Variants in RPTOR observed in about 807,000 individuals in gnomAD.
RPTOR encodes the protein regulatory-associated protein of mTOR.
Under a neutral mutation model 169.9 loss-of-function variants are expected in RPTOR, and 21 were observed. That is an observed-to-expected ratio of 0.12 (90% CI 0.09 to 0.18). RPTOR has a LOEUF of 0.18. Ranked by LOEUF, RPTOR falls within the 10% of genes least tolerant of loss-of-function variation. The pLI is 1.00. For missense variants in RPTOR, 1,133 were observed against 1,855.9 expected (o/e 0.61, Z 7.16); for synonymous variants, 732 against 753.2 (o/e 0.97, Z 0.46).
chr17:80,691,476 G>C (rs536694987), intron 3 of RPTOR, among the ~76,000 whole-genome samples: 1 of 150,668 alleles, frequency 6.6e-6, no homozygotes, highest in African/African-American at 2.4e-5. Context: ...CAGTGTGTGC[G>C]CATAGGTGTG....
At chr17:80,858,183 C>T (rs2672891) in intron 13 of RPTOR, 102,486 of 450,684 alleles carry the variant, frequency 0.23, 12,885 homozygotes, top group African/African-American at 0.38. Context: ...TGGTGCCCTG[C>T]ACTCAGTCCC....
intron 6 of RPTOR, among the ~76,000 whole-genome samples, chr17:80,775,944 T>C (rs1404041378): frequency 6.6e-6 from 1 of 152,250 alleles, no homozygotes; most frequent in Non-Finnish European, 1.5e-5. Flanking sequence ...AATTTAGTAT[T>C]CCATCACATT....
rs376817386 is a variant in RPTOR at position 80,708,992 on chromosome 17, C to T, written c.507+993C>T. 1.3e-4 allele frequency: 130 copies of T among 985,550 alleles called. No individual in the cohort carries two copies. The highest frequency in any genetic ancestry group is 3.1e-4 in the African/African-American group (18 of 57,194). 61.1% of individuals were successfully genotyped at this position (985,550 alleles called of 1,614,324 possible). ...CACTGAACTCTCGGTTCCCGCCTAC[C>T]GTCCCGGGTTCGCAGCTAGCATTCG... On this transcript the variant is annotated intron_variant, in intron 4 of 33. Transcript: ENST00000306801. This position sits in a 1 kb window ranked among gnomAD's most constrained non-coding sequence, Gnocchi z 4.2.
At chr17:80,742,152 GCT>G (rs2066487792) in intron 5 of RPTOR, among the ~76,000 whole-genome samples, 1 of 152,220 alleles carries the variant, frequency 6.6e-6, no homozygotes, top group Non-Finnish European at 1.5e-5. Context: ...CCATGTGGAA[GCT>G]CCTGAGGGAG....
Position 80,823,769 on chromosome 17 carries a change from AAC to A in RPTOR, c.1136+548_1136+549del, listed in dbSNP as rs1567931961. The A allele has an allele frequency of 1.3e-5, 2 of 152,902 alleles. No individual in the cohort carries two copies. The highest frequency in any genetic ancestry group is 3.9e-4 in the East Asian group (2 of 5,188). 9.5% of individuals were successfully genotyped at this position (152,902 alleles called of 1,614,324 possible). On this transcript the variant is annotated intron_variant, in intron 9 of 33. Coordinates refer to ENST00000306801, the MANE Select transcript of RPTOR (RefSeq NM_020761.3). This position sits in a 1 kb window ranked among gnomAD's most constrained non-coding sequence, Gnocchi z 4.5. The stretch of plus-strand genomic sequence containing the variant: ...TATTTATACAACTCCTATTAGTAGT[AAC>A]AGTGACAATAATGTGATTTGTTTTT...
chr17:80,959,221 G>A lies in RPTOR; in HGVS notation c.3478-857G>A, dbSNP rs766424503. 6.6e-6 allele frequency among the ~76,000 whole-genome samples: 1 copy of A among 152,344 alleles called. No homozygotes were observed. The highest frequency in any genetic ancestry group is 1.5e-5 in the Non-Finnish European group (1 of 68,022). ...GCAGCTTTCATGGCACCTTCTTTGG[G>A]GTGGGGGGGTCTTGCACCTGTCTGG... On this transcript the variant is annotated intron_variant, in intron 29 of 33. Coordinates refer to ENST00000306801, the MANE Select transcript of RPTOR (RefSeq NM_020761.3). The surrounding 1 kb of genome is among the most constrained non-coding windows in gnomAD (Gnocchi z 6.7).
intron 1 of RPTOR, among the ~76,000 whole-genome samples, chr17:80,618,706 A>G (rs1054341712): frequency 2.0e-5 from 3 of 152,252 alleles, no homozygotes; most frequent in African/African-American, 7.2e-5. Context: ...CTCTGGCTCA[A>G]GGTAACGAGC....
chr17:80,755,816 A>G (rs2066675533), intron 6 of RPTOR, among the ~76,000 whole-genome samples: 2 of 151,746 alleles, frequency 1.3e-5, no homozygotes, highest in African/African-American at 2.4e-5. Flanking sequence ...AGGGATCTGC[A>G]GTGTTTCTGC....
intron 20 of RPTOR, among the ~76,000 whole-genome samples, chr17:80,899,167 A>C (rs776214687): frequency 6.6e-6 from 1 of 152,242 alleles, no homozygotes; most frequent in Non-Finnish European, 1.5e-5. Flanking sequence ...AAATATGCCA[A>C]GTGCCCAGAA....
chr17:80,772,436 T>TC (rs1440915664), intron 6 of RPTOR, among the ~76,000 whole-genome samples: 3 of 86,624 alleles, frequency 3.5e-5, no homozygotes, highest in African/African-American at 1.4e-4. Flanking sequence ...CCCCTGTCTC[T>TC]CCCCCCACAT....
chr17:80,931,936 C>T (rs1208565536), intron 24 of RPTOR, among the ~76,000 whole-genome samples: 2 of 138,054 alleles, frequency 1.4e-5, no homozygotes, highest in Non-Finnish European at 3.1e-5. Flanking sequence ...AGCCAAAAAC[C>T]AAGGGAGGGT....
At chr17:80,750,264 G>A (rs780942425) in intron 5 of RPTOR, among the ~76,000 whole-genome samples, 11 of 152,154 alleles carry the variant, frequency 7.2e-5, no homozygotes, top group East Asian at 1.9e-4. Context: ...TAGTTTTTGC[G>A]TAAAGGGCCA....
intron 1 of RPTOR, among the ~76,000 whole-genome samples, chr17:80,589,075 C>T (rs1298798488): frequency 3.3e-5 from 5 of 152,144 alleles, no homozygotes; most frequent in Admixed American, 2.6e-4. Flanking sequence ...CCCTGTGTGC[C>T]CAGGGCAGTC....
chr17:80,801,028 T>A (rs2067151939), intron 7 of RPTOR, among the ~76,000 whole-genome samples: 1 of 152,214 alleles, frequency 6.6e-6, no homozygotes, highest in Admixed American at 6.5e-5. Context: ...CCCACAGCCC[T>A]GGAGCTTGGG....
chr17:80,930,611 C>T (rs1433625670), intron 24 of RPTOR, among the ~76,000 whole-genome samples: 1 of 152,338 alleles, frequency 6.6e-6, no homozygotes, highest in Admixed American at 6.5e-5. Context: ...GCTTCCTGTT[C>T]TTTCCTGGAA....
chr17:80,655,991 G>T (rs1166863406), intron 3 of RPTOR, among the ~76,000 whole-genome samples: 2 of 152,110 alleles, frequency 1.3e-5, no homozygotes, highest in Non-Finnish European at 2.9e-5. Flanking sequence ...GGCCTCCTTA[G>T]TCGTTCTCAT....
intron 6 of RPTOR, among the ~76,000 whole-genome samples, chr17:80,767,208 A>G (rs901353830): frequency 6.6e-6 from 1 of 152,134 alleles, no homozygotes; most frequent in Non-Finnish European, 1.5e-5. Flanking sequence ...CCCCATCTCT[A>G]CAAAATATAA....
At chr17:80,607,848 A>G (rs886932162) in intron 1 of RPTOR, among the ~76,000 whole-genome samples, 1 of 152,094 alleles carries the variant, frequency 6.6e-6, no homozygotes, top group Non-Finnish European at 1.5e-5. Flanking sequence ...AGGTAAAAAT[A>G]TGTATACATA....
chr17:80,839,458 C>T (rs1310916880), intron 10 of RPTOR, among the ~76,000 whole-genome samples: 3 of 152,196 alleles, frequency 2.0e-5, no homozygotes, highest in Non-Finnish European at 4.4e-5. Context: ...CATTGCAGAC[C>T]GCCCCGCATT....
Sources: allele counts gnomAD v4.1 joint callset (sites outside exome capture counted in the v4.1 genomes callset), GRCh38; gene constraint gnomAD v4.1.1; non-coding constraint Gnocchi (gnomAD v3.1); transcripts MANE v1.5; gene names NCBI Gene and HGNC (gene_info 2026-07-23, HGNC 2026-07-21).